The following GMCL1 variants were observed in gnomAD, a reference collection of about 807,000 sequenced individuals.
GMCL1 encodes germ cell-less protein-like 1.
GMCL1 carries 54 observed loss-of-function variants against 75.5 expected under a neutral mutation model. The ratio of observed to expected loss-of-function variants is 0.71; its 90% confidence interval spans 0.57 to 0.90. The LOEUF is 0.90. Among genes scored for constraint, GMCL1 ranks in the 40% least tolerant of loss-of-function variants. The probability of loss-of-function intolerance (pLI) is 0.00; values close to 1 mark genes in which losing one functional copy is unlikely to be tolerated. For synonymous variants in GMCL1, 210 were observed against 209.6 expected, an observed-to-expected ratio of 1.00 and a Z score of -0.02; for missense variants, 537 against 622.7, an observed-to-expected ratio of 0.86 and a Z score of 1.47.
chr2:69,843,036 CTT>C (rs1224497778), intron 4 of GMCL1, 111 bp from the exon 5 acceptor site: 3 of 282,894 alleles, frequency 1.1e-5, no homozygotes, highest in African/African-American at 5.1e-5. Flanking sequence ...AATGAGTTTT[CTT>C]TCTTTTCTTT....
intron 11 of GMCL1, among the ~76,000 whole-genome samples, chr2:69,868,540 G>A (rs1380478008): frequency 6.6e-6 from 1 of 151,642 alleles, no homozygotes; most frequent in Non-Finnish European, 1.5e-5. Context: ...TTGAGTTAGA[G>A]TATTTTATTT....
At chr2:69,875,851 C>T (rs746314950) in intron 13 of GMCL1, among the ~76,000 whole-genome samples, 16 of 146,344 alleles carry the variant, frequency 1.1e-4, no homozygotes, top group Non-Finnish European at 2.0e-4. Flanking sequence ...CATGCCACCA[C>T]GCCCAGCTTT....
At chr2:69,831,402 T>C (rs1381864191) in intron 1 of GMCL1, among the ~76,000 whole-genome samples, 1 of 152,180 alleles carries the variant, frequency 6.6e-6, no homozygotes, top group East Asian at 1.9e-4. Flanking sequence ...TACTATTCAG[T>C]AACTTTTTTA....
rs920168102 is a variant in GMCL1, at chr2:69,878,758, A to G, written c.1453-151A>G. The G allele has an allele frequency of 7.0e-5, 47 of 667,964 alleles. No individual in the cohort carries two copies. In the African/African-American group the frequency reaches 7.5e-4, roughly 11 times the overall value. The allele number at this position is 667,964 out of a possible 1,614,324, so 41.4% of individuals were successfully genotyped here. A position where few individuals can be genotyped will look rare whatever the true frequency, so the allele number is the denominator to read the frequency against. ...TACAGTGAGGAAGCTGCATTTGACA[A>G]GGTCACACAGCTAATGGGTGGGAGT... On this transcript the variant is annotated intron_variant, in intron 13 of 13. Coordinates refer to ENST00000282570, the MANE Select transcript of GMCL1 (RefSeq NM_178439.5).
intron 10 of GMCL1, among the ~76,000 whole-genome samples, chr2:69,863,217 AAAT>A (rs1159048351): frequency 2.4e-4 from 36 of 152,314 alleles, no homozygotes; most frequent in Middle Eastern, 3.4e-3. Flanking sequence ...CACATCCTAC[AAAT>A]ACTGCATTTT....
intron 13 of GMCL1, among the ~76,000 whole-genome samples, chr2:69,875,958 G>A (rs1676118748): frequency 1.3e-5 from 2 of 152,146 alleles, no homozygotes; most frequent in Non-Finnish European, 2.9e-5. Context: ...CCAAAGTGCT[G>A]GGGTTACAGG....
intron 7 of GMCL1, among the ~76,000 whole-genome samples, chr2:69,848,287 G>A (rs1573352553): frequency 6.6e-6 from 1 of 152,102 alleles, no homozygotes; most frequent in Admixed American, 6.6e-5. Flanking sequence ...TGAAACTTCA[G>A]ACTGAGACAC....
intron 9 of GMCL1, among the ~76,000 whole-genome samples, chr2:69,856,519 A>G (rs1675471125): frequency 6.6e-6 from 1 of 151,786 alleles, no homozygotes; most frequent in South Asian, 2.1e-4. Flanking sequence ...GTCTTATTCC[A>G]TACTCTTGTC....
intron 7 of GMCL1, among the ~76,000 whole-genome samples, chr2:69,848,373 TC>T: frequency 6.6e-6 from 1 of 152,356 alleles, no homozygotes; most frequent in Non-Finnish European, 1.5e-5. Context: ...CTGTTTTTCT[TC>T]AAGGAACTTT....
intron 2 of GMCL1, 69 bp downstream of exon 2, chr2:69,837,739 C>A: frequency 6.6e-7 from 1 of 1,503,868 alleles, no homozygotes; most frequent in Admixed American, 2.2e-5. Context: ...TTCCTCATTG[C>A]ACTTCACAGT....
chr2:69,843,510 C>G (rs1246278027), intron 5 of GMCL1, among the ~76,000 whole-genome samples: 1 of 152,138 alleles, frequency 6.6e-6, no homozygotes, highest in African/African-American at 2.4e-5. Flanking sequence ...TCACCTTGGT[C>G]GGGTGTGGTG....
At position 69,869,795 on chromosome 2, in the gene GMCL1, A is replaced by G. The variant is rs764526082; in HGVS notation, c.1295A>G (p.Lys432Arg). The change falls in exon 12 of 14, where the codon AAA (lysine) becomes AGA (arginine). Residue 432 changes from lysine to arginine, a missense_variant. Physicochemically the swap from Lys to Arg is conservative, Grantham distance 26. This residue lies in a region of GMCL1 where 345 missense variants were observed against 410.5 expected (regional missense o/e 0.84). Coordinates refer to ENST00000282570, the MANE Select transcript of GMCL1 (RefSeq NM_178439.5). ...VTYTNRYIIF[K>R]RNTLNQPCSG... ...TACACCAATCGATACATCATTTTCA[A>G]ACGCAATACACTGAATCAGCCATGT... 4 of 1,614,042 alleles carry G rather than the reference A, an allele frequency of 2.5e-6. No homozygotes were observed. In the Admixed American group the frequency reaches 6.7e-5, roughly 27 times the overall value.
At position 69,843,883 on chromosome 2, in the gene GMCL1, C is replaced by T. The variant is rs75928637; in HGVS notation, c.693-248C>T. 2.2e-3 allele frequency among the ~76,000 whole-genome samples: 327 copies of T among 152,064 alleles called. 9 individuals are homozygous for T. The East Asian group carries it at 0.058, about 27-fold the overall frequency. On this transcript the variant is annotated intron_variant, in intron 5 of 13. Coordinates refer to ENST00000282570, the MANE Select transcript of GMCL1 (RefSeq NM_178439.5). ...AAGAAGGTTATACTAGTATGCAGAC[C>T]CCTTAATAAACTATTTAACACAAAC...
rs1676249573 is a variant in GMCL1 at position 69,880,536 on chromosome 2, G to A, written c.*1532G>A. 6.6e-6 allele frequency: 1 copy of A among 152,138 alleles called. No individual in the cohort carries two copies. Among genetic ancestry groups the A allele is most frequent in the Admixed American group, 6.6e-5 (1 of 15,264 alleles). 9.4% of individuals were successfully genotyped at this position (152,138 alleles called of 1,614,324 possible). A position where few individuals can be genotyped will look rare whatever the true frequency, so the allele number is the denominator to read the frequency against. ...AATACAGTGATTTGGCTGTTATCAA[G>A]AGGTTACATTTCAGCTGGGTGTCAG... On this transcript the variant is annotated 3_prime_UTR_variant, in exon 14 of 14. Transcript: ENST00000282570.
Position 69,880,830 on chromosome 2 carries a change from A to G in GMCL1, c.*1826A>G. ...GCCATTGCACTCCAACCTAGGCGACAGAGTGAGACTCCGTCTCAAAAAAAA... is the reference window on the plus strand; with the variant it reads ...GCCATTGCACTCCAACCTAGGCGACGGAGTGAGACTCCGTCTCAAAAAAAA... On this transcript the variant is annotated 3_prime_UTR_variant, in exon 14 of 14. Transcript: ENST00000282570. 1 of 146,278 alleles carries G rather than the reference A, an allele frequency of 6.8e-6. No homozygotes were observed. The allele number at this position is 146,278 out of a possible 1,614,324, so 9.1% of individuals were successfully genotyped here.
intron 3 of GMCL1, among the ~76,000 whole-genome samples, chr2:69,840,367 G>A (rs563846477): frequency 4.6e-5 from 7 of 151,378 alleles, no homozygotes; most frequent in Non-Finnish European, 1.0e-4. Context: ...CCGAGATCGC[G>A]CCACTGCACT....
chr2:69,853,660 C>T (rs899280137), intron 8 of GMCL1, among the ~76,000 whole-genome samples: 2 of 152,090 alleles, frequency 1.3e-5, no homozygotes, highest in African/African-American at 2.4e-5. Flanking sequence ...TGCACAAATA[C>T]CTGTTTGATA....
intron 10 of GMCL1, 86 bp downstream of exon 10, chr2:69,861,433 C>G: frequency 1.3e-6 from 1 of 791,168 alleles, no homozygotes; most frequent in South Asian, 1.8e-5. Flanking sequence ...AAATCATTAA[C>G]AGTATTGAAA....
At chr2:69,858,947 A>G (rs1332005054) in intron 9 of GMCL1, among the ~76,000 whole-genome samples, 1 of 151,998 alleles carries the variant, frequency 6.6e-6, no homozygotes, top group African/African-American at 2.4e-5. Flanking sequence ...GGAGATCGAG[A>G]CCATCCTGAC....
Sources: allele counts gnomAD v4.1 joint callset (sites outside exome capture counted in the v4.1 genomes callset), GRCh38; gene constraint gnomAD v4.1.1; regional missense constraint gnomAD v4.1.1; transcripts MANE v1.5; gene names NCBI Gene and HGNC (gene_info 2026-07-23, HGNC 2026-07-21).